HSF1: variants seen among roughly 807,000 people sequenced by gnomAD.
The protein encoded by HSF1 is heat shock factor protein 1.
Under a neutral mutation model 51.7 loss-of-function variants are expected in HSF1, and 32 were observed. That is an observed-to-expected ratio of 0.62 (90% CI 0.47 to 0.83). The LOEUF is 0.83. HSF1 is among the 40% of genes least tolerant of loss of function. The pLI is 0.00. For missense variants in HSF1, 727 were observed against 717.0 expected, an observed-to-expected ratio of 1.01 and a Z score of -0.16; for synonymous variants, 396 against 309.7, an observed-to-expected ratio of 1.28 and a Z score of -2.92.
At chr8:144,312,470 C>T (rs1816746854) in intron 9 of HSF1, 1 of 736,958 alleles carries the variant, frequency 1.4e-6, no homozygotes, top group Admixed American at 2.2e-5. Context: ...CCGGGCCCTG[C>T]TCTCAGCCAC....
At chr8:144,312,984 C>T (rs1357819846) in intron 9 of HSF1, 5 of 539,998 alleles carry the variant, frequency 9.3e-6, no homozygotes, top group Non-Finnish European at 1.7e-5. Context: ...GCTGACTGCA[C>T]TTCCTGTCAG....
chr8:144,312,594 C>G, intron 9 of HSF1: 1 of 1,510,852 alleles, frequency 6.6e-7, no homozygotes. Context: ...CAGCCCCTGC[C>G]TGCAATGGGG....
intron 1 of HSF1, among the ~76,000 whole-genome samples, chr8:144,301,147 G>A (rs982287513): frequency 3.3e-5 from 5 of 152,220 alleles, no homozygotes; most frequent in African/African-American, 9.6e-5. Context: ...GGCTGGACAC[G>A]GTGGCTCCTG....
Position 144,313,921 on chromosome 8 carries a change from C to T in HSF1, c.1314+10C>T, listed in dbSNP as rs781821958. 7.5e-6 allele frequency: 12 copies of T among 1,609,724 alleles called. No homozygotes were observed. Among genetic ancestry groups the T allele is most frequent in the African/African-American group, 2.7e-5 (2 of 73,846 alleles). On this transcript the variant is annotated intron_variant, in intron 11 of 12. Coordinates refer to ENST00000528838, the MANE Select transcript of HSF1 (RefSeq NM_005526.4). Reference sequence around the variant, plus strand: ...CAGCAGCCTGGCCAGTGTGCGTAGGCGGGCGGGGGGTGAGGGGGAACGAGA... The same window carrying T: ...CAGCAGCCTGGCCAGTGTGCGTAGGTGGGCGGGGGGTGAGGGGGAACGAGA...
At chr8:144,307,127 G>A (rs782693327) in intron 1 of HSF1, among the ~76,000 whole-genome samples, 1 of 152,226 alleles carries the variant, frequency 6.6e-6, no homozygotes, top group Non-Finnish European at 1.5e-5. Context: ...GAGCTTTTCA[G>A]AGCCCCTAGT....
intron 1 of HSF1, chr8:144,293,474 T>C (rs1017560023): frequency 2.6e-5 from 4 of 151,424 alleles, no homozygotes; most frequent in African/African-American, 9.7e-5. Flanking sequence ...CGAGTCTTGC[T>C]CTGTCACCCA....
chr8:144,311,347 G>A lies in HSF1; in HGVS notation c.591G>A (p.Val197=). ...TCATTCAGTTCCTGATCTCACTGGT[G>A]CAGTCAAACCGGATCCTGGGGGTGA... The part of the protein sequence containing the change: ...NKLIQFLISL[V]QSNRILGVKR... The change falls in exon 6 of 13, where the codon GTG becomes GTA. Residue 197 remains valine, a synonymous_variant. Transcript: ENST00000528838. The A allele has an allele frequency of 6.2e-7, 1 of 1,614,046 alleles. No homozygotes were observed. The highest frequency in any genetic ancestry group is 2.2e-5 in the East Asian group (1 of 44,892).
At chr8:144,304,947 CTTT>C (rs141886614) in intron 1 of HSF1, among the ~76,000 whole-genome samples, 1 of 138,850 alleles carries the variant, frequency 7.2e-6, no homozygotes. Flanking sequence ...CATTTTAATC[CTTT>C]TTTTTTTTTT....
At chr8:144,308,507 G>T (rs969908919) in intron 1 of HSF1, among the ~76,000 whole-genome samples, 3 of 152,348 alleles carry the variant, frequency 2.0e-5, no homozygotes, top group Non-Finnish European at 4.4e-5. Flanking sequence ...GCTTAAACAG[G>T]TGCTTTGTGA....
At chr8:144,302,515 A>G (rs1328578660) in intron 1 of HSF1, among the ~76,000 whole-genome samples, 1 of 150,136 alleles carries the variant, frequency 6.7e-6, no homozygotes, top group African/African-American at 2.5e-5. Flanking sequence ...TAAAAAAAAA[A>G]GATAATAATA....
intron 1 of HSF1, 89 bp from the exon 2 acceptor site, chr8:144,308,817 G>A (rs1816403088): frequency 8.4e-6 from 9 of 1,068,272 alleles, no homozygotes; most frequent in South Asian, 2.5e-5. Flanking sequence ...CACTGCCTGC[G>A]TTTCAGAAGG....
intron 10 of HSF1, 36 bp downstream of exon 10, chr8:144,313,652 GCCTCCCCGCCGCGCCGCCC>G (rs1816886026): frequency 4.1e-6 from 1 of 241,398 alleles, no homozygotes; most frequent in Admixed American, 6.2e-5. Flanking sequence ...TCCCCGCCCC[GCCTCCCCGCCGCGCCGCCC>G]CGCCTCCCCG....
chr8:144,308,425 G>A (rs548709345), intron 1 of HSF1, among the ~76,000 whole-genome samples: 5 of 152,342 alleles, frequency 3.3e-5, no homozygotes, highest in South Asian at 2.1e-4. Flanking sequence ...ATTTCTGAAC[G>A]CGACTGTGTT....
intron 1 of HSF1, 118 bp from the exon 2 acceptor site, chr8:144,308,788 C>A (rs1816400621): frequency 1.2e-6 from 1 of 818,196 alleles, no homozygotes; most frequent in African/African-American, 1.7e-5. Flanking sequence ...ATGGCCCCAG[C>A]CCCATCAGGT....
At position 144,314,640 on chromosome 8, in the gene HSF1, C is replaced by T. The variant is rs776047723; in HGVS notation, c.*310C>T. 7.0e-6 allele frequency: 3 copies of T among 429,616 alleles called. No homozygotes were observed. The highest frequency in any genetic ancestry group is 2.0e-5 in the African/African-American group (1 of 50,914). 26.6% of individuals were successfully genotyped at this position (429,616 alleles called of 1,614,324 possible). A position where few individuals can be genotyped will look rare whatever the true frequency, so the allele number is the denominator to read the frequency against. ...TTACACAACTGTCCCGTTCCCCGCTCCACAGAGATACACAGATATATACAC... is the reference window on the plus strand; with the variant it reads ...TTACACAACTGTCCCGTTCCCCGCTTCACAGAGATACACAGATATATACAC... On this transcript the variant is annotated 3_prime_UTR_variant, in exon 13 of 13. Coordinates refer to ENST00000528838, the MANE Select transcript of HSF1 (RefSeq NM_005526.4).
Position 144,311,206 on chromosome 8 carries a change from GC to G in HSF1, c.523del (p.Leu175PhefsTer19). 6.2e-7 allele frequency: 1 copy of G among 1,605,202 alleles called. No homozygotes were observed. Among genetic ancestry groups the G allele is most frequent in the Non-Finnish European group, 8.5e-7 (1 of 1,176,174 alleles). On this transcript the variant is annotated frameshift_variant, in exon 5 of 13. Transcript: ENST00000528838. LOFTEE classifies it high-confidence loss of function. Reference sequence around the variant, plus strand: ...GAGGCTCTGTGGCGGGAGGTGGCCAGCCTTCGGCAGAAGCATGCCCAGCAAC... The same window carrying G: ...GAGGCTCTGTGGCGGGAGGTGGCCAGCTTCGGCAGAAGCATGCCCAGCAAC... Reference protein sequence around the residue: ...ENEALWREVASLRQKHAQQQK... With the variant: ...ENEALWREVAXLRQKHAQQQK...
At position 144,314,670 on chromosome 8, in the gene HSF1, T is replaced by C. The variant is rs368034256; in HGVS notation, c.*340T>C. On this transcript the variant is annotated 3_prime_UTR_variant, in exon 13 of 13. Transcript: ENST00000528838. ...GAGATACACAGATATATACACACAG[T>C]GGATGGACGGACAAGACAGGCAGAG... 6.0e-5 allele frequency: 19 copies of C among 316,070 alleles called. No individual in the cohort carries two copies. The highest frequency in any genetic ancestry group is 2.5e-4 in the African/African-American group (12 of 48,238). The allele number at this position is 316,070 out of a possible 1,614,324, so 19.6% of individuals were successfully genotyped here.
intron 1 of HSF1, among the ~76,000 whole-genome samples, chr8:144,298,223 C>T (rs975402732): frequency 1.6e-4 from 24 of 152,092 alleles, no homozygotes; most frequent in African/African-American, 5.3e-4. Context: ...TCATAATGGC[C>T]CCTAAGGTAG....
chr8:144,296,518 G>C (rs959660295), intron 1 of HSF1, among the ~76,000 whole-genome samples: 1 of 152,204 alleles, frequency 6.6e-6, no homozygotes, highest in Non-Finnish European at 1.5e-5. Context: ...CACAGCTGGG[G>C]CTGGTCGTGG....
Sources: gnomAD v4.1 joint callset for allele counts (sites outside exome capture counted in the v4.1 genomes callset) on GRCh38, gnomAD v4.1.1 for gene constraint, MANE v1.5 for transcripts, NCBI Gene and HGNC (gene_info 2026-07-23, HGNC 2026-07-21) for gene names.